The following SGK3 variants were observed in gnomAD, a reference collection of about 807,000 sequenced individuals.
The protein encoded by SGK3 is serum/glucocorticoid regulated kinase family member 3.
Under a neutral mutation model 68.5 loss-of-function variants are expected in SGK3, and 47 were observed. That is an observed-to-expected ratio of 0.69 (90% CI 0.54 to 0.87). The LOEUF is 0.87. Among genes scored for constraint, SGK3 ranks in the 40% least tolerant of loss-of-function variants. SGK3 has a pLI of 0.00. For missense variants in SGK3, 479 were observed against 575.5 expected (o/e 0.83, Z 1.72); for synonymous variants, 181 against 189.1 (o/e 0.96, Z 0.35).
At chr8:66,714,303 A>G (rs1023290959) in intron 1 of SGK3, among the ~76,000 whole-genome samples, 1 of 152,234 alleles carries the variant, frequency 6.6e-6, no homozygotes, top group Non-Finnish European at 1.5e-5. Context: ...TTGGTAGGTC[A>G]GCCTCATAGG....
intron 15 of SGK3, among the ~76,000 whole-genome samples, chr8:66,849,621 G>A (rs1269949491): frequency 1.3e-5 from 2 of 148,712 alleles, no homozygotes; most frequent in Non-Finnish European, 1.5e-5. Flanking sequence ...TTTGAGACAG[G>A]GTTTTGCTCT....
chr8:66,853,108 C>T (rs1810358736), intron 16 of SGK3, among the ~76,000 whole-genome samples: 1 of 152,132 alleles, frequency 6.6e-6, no homozygotes, highest in African/African-American at 2.4e-5. Context: ...CACCTCAGTG[C>T]ATTGCACACA....
At chr8:66,760,479 T>G (rs1473088427) in intron 1 of SGK3, among the ~76,000 whole-genome samples, 1 of 151,532 alleles carries the variant, frequency 6.6e-6, no homozygotes, top group Non-Finnish European at 1.5e-5. Flanking sequence ...GGACTACAGG[T>G]GCCCGCCACC....
intron 1 of SGK3, among the ~76,000 whole-genome samples, chr8:66,780,729 G>A (rs1806939415): frequency 1.3e-5 from 2 of 152,116 alleles, no homozygotes; most frequent in South Asian, 4.1e-4. Context: ...GCCCTGTGGG[G>A]GACTGTAGAC....
chr8:66,803,922 C>G (rs1808053907), intron 3 of SGK3, among the ~76,000 whole-genome samples: 1 of 152,090 alleles, frequency 6.6e-6, no homozygotes, highest in African/African-American at 2.4e-5. Context: ...AATTCATCTG[C>G]TTTCTTAGAA....
intron 1 of SGK3, among the ~76,000 whole-genome samples, chr8:66,766,471 G>A (rs1806322605): frequency 6.6e-6 from 1 of 152,166 alleles, no homozygotes; most frequent in African/African-American, 2.4e-5. Context: ...GTTGCAGTGA[G>A]CCGAGATTGC....
intron 1 of SGK3, among the ~76,000 whole-genome samples, chr8:66,715,152 A>T (rs954451005): frequency 1.3e-5 from 2 of 152,216 alleles, no homozygotes; most frequent in Non-Finnish European, 2.9e-5. Context: ...TGAAAAAGAA[A>T]ATAGGTTGGG....
chr8:66,722,507 C>T (rs776630307), intron 1 of SGK3, among the ~76,000 whole-genome samples: 8 of 152,158 alleles, frequency 5.3e-5, no homozygotes, highest in Admixed American at 3.3e-4. Flanking sequence ...CTGCTGACCT[C>T]GTGATCCGCC....
chr8:66,773,434 C>T (rs886889565), intron 1 of SGK3, among the ~76,000 whole-genome samples: 1 of 152,118 alleles, frequency 6.6e-6, no homozygotes, highest in Non-Finnish European at 1.5e-5. Flanking sequence ...TTCTAAAACT[C>T]CCAGTGGTTC....
At chr8:66,843,332 C>G in intron 13 of SGK3, 120 bp from the exon 14 acceptor site, 1 of 853,344 alleles carries the variant, frequency 1.2e-6, no homozygotes, top group Non-Finnish European at 1.8e-6. Flanking sequence ...CACTGGAAAT[C>G]TAGATAATTT....
At chr8:66,742,036 A>C (rs1427809037) in intron 1 of SGK3, among the ~76,000 whole-genome samples, 2 of 152,246 alleles carry the variant, frequency 1.3e-5, no homozygotes, top group Non-Finnish European at 2.9e-5. Flanking sequence ...CTTGGGAAGT[A>C]CATTACAAGT....
At chr8:66,847,901 ACCT>A (rs944846110) in intron 15 of SGK3, among the ~76,000 whole-genome samples, 1 of 142,860 alleles carries the variant, frequency 7.0e-6, no homozygotes, top group Non-Finnish European at 1.5e-5. Flanking sequence ...ATTTGGTGAG[ACCT>A]CCTTGAGATA....
chr8:66,822,570 C>A, intron 6 of SGK3, 111 bp downstream of exon 6: 1 of 1,027,448 alleles, frequency 9.7e-7, no homozygotes, highest in South Asian at 1.7e-5. Flanking sequence ...AGTAGAGTTT[C>A]TACTATGTAG....
chr8:66,742,514 A>C (rs1430297035), intron 1 of SGK3, among the ~76,000 whole-genome samples: 1 of 151,984 alleles, frequency 6.6e-6, no homozygotes, highest in Non-Finnish European at 1.5e-5. Flanking sequence ...CTACAGATGT[A>C]TGCCACCATG....
At chr8:66,853,663 T>A (rs73693622) in intron 16 of SGK3, among the ~76,000 whole-genome samples, 2,777 of 152,324 alleles carry the variant, frequency 0.018, 86 homozygotes, top group African/African-American at 0.062. Context: ...GGAAGCAGTT[T>A]ATTTCTCTGT....
chr8:66,712,887 C>T (rs1415977056), intron 1 of SGK3, 54 bp downstream of exon 1: 1 of 151,610 alleles, frequency 6.6e-6, no homozygotes, highest in Non-Finnish European at 1.5e-5. Flanking sequence ...GACGGCGGCC[C>T]GGGGCGGGAG....
At chr8:66,714,402 G>A (rs1804575810) in intron 1 of SGK3, among the ~76,000 whole-genome samples, 1 of 151,154 alleles carries the variant, frequency 6.6e-6, no homozygotes, top group Non-Finnish European at 1.5e-5. Context: ...GACCCAATGT[G>A]GTGACTAAGA....
chr8:66,759,464 CTG>C (rs1180075546), intron 1 of SGK3, among the ~76,000 whole-genome samples: 1 of 151,236 alleles, frequency 6.6e-6, no homozygotes, highest in Non-Finnish European at 1.5e-5. Context: ...CAGAGTCTGG[CTG>C]TGTCACCCAG....
intron 16 of SGK3, among the ~76,000 whole-genome samples, chr8:66,852,758 G>A (rs993905200): frequency 1.3e-5 from 2 of 152,086 alleles, no homozygotes; most frequent in Non-Finnish European, 2.9e-5. Flanking sequence ...TTCATGTAGT[G>A]CATCCAGGAA....
Sources: gnomAD v4.1 joint callset for allele counts (sites outside exome capture counted in the v4.1 genomes callset) on GRCh38, gnomAD v4.1.1 for gene constraint, MANE v1.5 for transcripts, NCBI Gene and HGNC (gene_info 2026-07-23, HGNC 2026-07-21) for gene names.